Variants in NEGR1 observed in about 807,000 individuals in gnomAD.
NEGR1 encodes neuronal growth regulator 1.
NEGR1 carries 10 observed loss-of-function variants against 40.9 expected under a neutral mutation model. That is an observed-to-expected ratio of 0.24 (90% confidence interval 0.15 to 0.42). The LOEUF (loss-of-function observed/expected upper bound fraction) is 0.42, where lower values mean the gene tolerates loss of function less well. Ranked by LOEUF, NEGR1 falls within the 10% of genes least tolerant of loss-of-function variation. NEGR1 has a pLI of 1.00. For synonymous variants in NEGR1, 185 were observed against 166.8 expected, an observed-to-expected ratio of 1.11 and a Z score of -0.84; for missense variants, 352 against 438.9, an observed-to-expected ratio of 0.80 and a Z score of 1.77.
chr1:71,522,770 T>C (rs1255889818), intron 6 of NEGR1, among the ~76,000 whole-genome samples: 2 of 150,924 alleles, frequency 1.3e-5, no homozygotes, highest in South Asian at 2.1e-4. Context: ...CAATACTTTT[T>C]AAAAACCAAG....
At chr1:71,742,227 GA>G (rs1655235460) in intron 3 of NEGR1, among the ~76,000 whole-genome samples, 1 of 152,144 alleles carries the variant, frequency 6.6e-6, no homozygotes, top group Non-Finnish European at 1.5e-5. Context: ...TCAGCCTAAG[GA>G]TCAATAGGCC....
At chr1:71,604,167 C>A (rs1185537241) in intron 5 of NEGR1, among the ~76,000 whole-genome samples, 3 of 152,078 alleles carry the variant, frequency 2.0e-5, no homozygotes, top group Non-Finnish European at 4.4e-5. Flanking sequence ...TGCTATCTAG[C>A]ATTTTCTCTC....
intron 6 of NEGR1, among the ~76,000 whole-genome samples, chr1:71,586,724 C>T (rs966598475): frequency 3.9e-5 from 6 of 152,028 alleles, no homozygotes; most frequent in Non-Finnish European, 5.9e-5. Flanking sequence ...CATACATGTT[C>T]CAGGTATGAG....
intron 1 of NEGR1, among the ~76,000 whole-genome samples, chr1:71,942,701 A>G (rs906232898): frequency 2.9e-5 from 4 of 139,738 alleles, no homozygotes; most frequent in South Asian, 2.3e-4. Flanking sequence ...ACGGGGTTTC[A>G]CCGTTTTAGC....
In NEGR1 at chr1:71,619,361, A is replaced by C. The variant is rs537153963; in HGVS notation, c.668-8215T>G. Among the ~76,000 whole-genome samples, 161 of 152,190 alleles carry C rather than the reference A, an allele frequency of 1.1e-3. 1 individual carries two copies. The highest frequency in any genetic ancestry group is 3.8e-3 in the African/African-American group (158 of 41,528). On this transcript the variant is annotated intron_variant, in intron 4 of 6. Transcript: ENST00000357731. ...CTGTGAATTTTGGCCTGGCACCTGA[A>C]GTGTAAGCTGTTTTTGCTGGGAGTA...
intron 3 of NEGR1, among the ~76,000 whole-genome samples, chr1:71,723,980 A>G (rs551106253): frequency 1.6e-4 from 24 of 152,182 alleles, no homozygotes; most frequent in Non-Finnish European, 2.6e-4. Flanking sequence ...TGGTGTCAAG[A>G]GGGAAAAAAA....
At chr1:72,276,894 A>T (rs1656068081) in intron 1 of NEGR1, among the ~76,000 whole-genome samples, 1 of 152,152 alleles carries the variant, frequency 6.6e-6, no homozygotes, top group Admixed American at 6.5e-5. Context: ...CTGGGAAGCC[A>T]AATAGAAGGT....
chr1:71,987,362 T>C (rs1416965881), intron 1 of NEGR1, among the ~76,000 whole-genome samples: 5 of 151,972 alleles, frequency 3.3e-5, no homozygotes, highest in African/African-American at 9.7e-5. Context: ...AGGCGGGAGA[T>C]AGAGAGAAGC....
At chr1:72,130,107 T>C (rs1256429007) in intron 1 of NEGR1, among the ~76,000 whole-genome samples, 1 of 152,180 alleles carries the variant, frequency 6.6e-6, no homozygotes, top group Non-Finnish European at 1.5e-5. Flanking sequence ...CCCTCCTTAC[T>C]ATGGTGGACA....
chr1:72,132,350 G>T (rs1650291180), intron 1 of NEGR1, among the ~76,000 whole-genome samples: 1 of 152,140 alleles, frequency 6.6e-6, no homozygotes, highest in Non-Finnish European at 1.5e-5. Context: ...TCAGAAAAAA[G>T]GGAGCAGGCA....
intron 6 of NEGR1, among the ~76,000 whole-genome samples, chr1:71,496,156 G>T (rs1351962232): frequency 6.6e-6 from 1 of 152,004 alleles, no homozygotes; most frequent in Non-Finnish European, 1.5e-5. Context: ...ACCCTGTCAA[G>T]TTTAACATGA....
chr1:72,223,934 T>C (rs188480517), intron 1 of NEGR1, among the ~76,000 whole-genome samples: 6 of 152,254 alleles, frequency 3.9e-5, no homozygotes, highest in East Asian at 1.9e-4. Flanking sequence ...CACCAATATA[T>C]TGATTTGCAC....
chr1:71,942,091 GA>G (rs150506802), intron 1 of NEGR1, among the ~76,000 whole-genome samples: 23 of 143,372 alleles, frequency 1.6e-4, no homozygotes, highest in Admixed American at 4.9e-4. Context: ...TAGCAAAAAA[GA>G]AAAAAAAAAC....
At chr1:71,711,330 C>T (rs1193167279) in intron 3 of NEGR1, among the ~76,000 whole-genome samples, 5 of 99,266 alleles carry the variant, frequency 5.0e-5, no homozygotes, top group South Asian at 3.7e-4. Context: ...TGCGACAGAG[C>T]GAGATTCCAC....
intron 4 of NEGR1, among the ~76,000 whole-genome samples, chr1:71,696,370 G>T (rs1322835924): frequency 6.6e-6 from 1 of 151,750 alleles, no homozygotes; most frequent in Non-Finnish European, 1.5e-5. Context: ...CTGTACAGCA[G>T]CTGGGTTTTC....
chr1:72,154,574 G>T (rs1217649866), intron 1 of NEGR1, among the ~76,000 whole-genome samples: 2 of 151,894 alleles, frequency 1.3e-5, no homozygotes, highest in African/African-American at 4.8e-5. Context: ...ATTTTTAGCT[G>T]GTTCAAACAT....
chr1:71,974,850 T>C (rs1646288100), intron 1 of NEGR1, among the ~76,000 whole-genome samples: 1 of 152,152 alleles, frequency 6.6e-6, no homozygotes, highest in Non-Finnish European at 1.5e-5. Flanking sequence ...ATTATCTTTA[T>C]TCAGTTTCCC....
At chr1:71,785,808 G>A (rs775869785) in intron 2 of NEGR1, among the ~76,000 whole-genome samples, 7 of 152,170 alleles carry the variant, frequency 4.6e-5, no homozygotes, top group Non-Finnish European at 1.0e-4. Context: ...AGAACCCAAT[G>A]TCTACCCTTG....
intron 4 of NEGR1, among the ~76,000 whole-genome samples, chr1:71,662,370 T>G (rs2101591720): frequency 6.6e-6 from 1 of 152,304 alleles, no homozygotes; most frequent in Non-Finnish European, 1.5e-5. Flanking sequence ...AATTTGGAAG[T>G]GGTTATGCAT....
Sources: gnomAD v4.1 joint callset for allele counts (sites outside exome capture counted in the v4.1 genomes callset) on GRCh38, gnomAD v4.1.1 for gene constraint, MANE v1.5 for transcripts, NCBI Gene and HGNC (gene_info 2026-07-23, HGNC 2026-07-21) for gene names.